LYSMD2: variants seen among roughly 807,000 people sequenced by gnomAD.
The protein encoded by LYSMD2 is LysM domain containing 2, also known as lysM and putative peptidoglycan-binding domain-containing protein 2.
Under a neutral mutation model 17.7 loss-of-function variants are expected in LYSMD2, and 6 were observed. The ratio of observed to expected loss-of-function variants is 0.34; its 90% confidence interval spans 0.19 to 0.67. The LOEUF (loss-of-function observed/expected upper bound fraction) is 0.67, where lower values mean the gene tolerates loss of function less well. Ranked by LOEUF, LYSMD2 falls within the 30% of genes least tolerant of loss-of-function variation. The pLI, the probability that LYSMD2 is intolerant of heterozygous loss-of-function variation, is 0.69. For missense variants in LYSMD2, 237 were observed against 286.7 expected, an observed-to-expected ratio of 0.83 and a Z score of 1.25; for synonymous variants, 102 against 129.8, an observed-to-expected ratio of 0.79 and a Z score of 1.45.
intron 2 of LYSMD2, 40 bp from the exon 3 acceptor site, chr15:51,723,689 C>T (rs758868332): frequency 6.8e-7 from 1 of 1,472,616 alleles, no homozygotes; most frequent in East Asian, 2.4e-5. Flanking sequence ...GAGTTTAGAA[C>T]TGTATGCAGA....
chr15:51,726,961 A>G (rs2055543758), intron 1 of LYSMD2, among the ~76,000 whole-genome samples: 1 of 152,118 alleles, frequency 6.6e-6, no homozygotes, highest in South Asian at 2.1e-4. Flanking sequence ...GCAAGAGTAC[A>G]CTATTAATTC....
At chr15:51,727,664 G>C (rs1384481841) in intron 1 of LYSMD2, among the ~76,000 whole-genome samples, 3 of 152,228 alleles carry the variant, frequency 2.0e-5, no homozygotes, top group East Asian at 3.8e-4. Flanking sequence ...CAGACTCAGA[G>C]GCTGTGTGCA....
upstream of LYSMD2, among the ~76,000 whole-genome samples, chr15:51,738,825 T>A (rs1478578887): frequency 6.6e-6 from 1 of 152,168 alleles, no homozygotes; most frequent in Non-Finnish European, 1.5e-5. Flanking sequence ...CTACAATGGC[T>A]CTCTGGGGAC....
intron 1 of LYSMD2, among the ~76,000 whole-genome samples, chr15:51,732,072 T>C (rs953823360): frequency 1.3e-5 from 2 of 152,198 alleles, no homozygotes; most frequent in Non-Finnish European, 2.9e-5. Flanking sequence ...TGTCATTCCA[T>C]GTAAAGACCC....
intron 1 of LYSMD2, among the ~76,000 whole-genome samples, chr15:51,745,402 T>G (rs937913819): frequency 6.6e-6 from 1 of 152,152 alleles, no homozygotes; most frequent in African/African-American, 2.4e-5. Flanking sequence ...TTATATACCA[T>G]GACCAACTGG....
upstream of LYSMD2, among the ~76,000 whole-genome samples, chr15:51,740,269 TTTTG>T (rs1255449259): frequency 6.6e-6 from 1 of 152,124 alleles, no homozygotes; most frequent in African/African-American, 2.4e-5. Flanking sequence ...AGGCCTGTTT[TTTTG>T]TTTTTTTGTT....
chr15:51,736,909 G>T (rs970733329), intron 1 of LYSMD2, among the ~76,000 whole-genome samples: 3 of 152,192 alleles, frequency 2.0e-5, no homozygotes. Flanking sequence ...GACTCATCAC[G>T]GAGCTTGTTT....
chr15:51,728,146 T>C (rs2055552030), intron 1 of LYSMD2, among the ~76,000 whole-genome samples: 1 of 152,132 alleles, frequency 6.6e-6, no homozygotes, highest in Non-Finnish European at 1.5e-5. Flanking sequence ...GAACAACATA[T>C]GGGCTGGGCG....
At chr15:51,726,547 A>T (rs2055541161) in intron 1 of LYSMD2, among the ~76,000 whole-genome samples, 2 of 152,206 alleles carry the variant, frequency 1.3e-5, no homozygotes, top group Non-Finnish European at 2.9e-5. Context: ...TCAGACATGC[A>T]AAGAGACTCC....
intron 1 of LYSMD2, among the ~76,000 whole-genome samples, chr15:51,729,533 A>G (rs1031410297): frequency 6.6e-6 from 1 of 152,218 alleles, no homozygotes; most frequent in African/African-American, 2.4e-5. Context: ...ATCTCGGCTC[A>G]CTGCAACCTC....
At chr15:51,738,603 C>G (rs183912151), upstream of LYSMD2, among the ~76,000 whole-genome samples, 1 of 152,142 alleles carries the variant, frequency 6.6e-6, no homozygotes, top group Admixed American at 6.5e-5. Flanking sequence ...AGTGGGTACA[C>G]ATTTACTAGC....
chr15:51,728,838 C>G (rs2055557681), intron 1 of LYSMD2, among the ~76,000 whole-genome samples: 1 of 151,666 alleles, frequency 6.6e-6, no homozygotes, highest in African/African-American at 2.4e-5. Context: ...CCATTGTACT[C>G]CACCCTGGGT....
intron 1 of LYSMD2, among the ~76,000 whole-genome samples, chr15:51,727,208 T>C (rs865880189): frequency 1.3e-5 from 2 of 152,194 alleles, no homozygotes; most frequent in Admixed American, 6.5e-5. Flanking sequence ...ATTCCTCCAC[T>C]CTTCTTGGGC....
chr15:51,744,393 TATAATC>T (rs1260336075), intron 1 of LYSMD2, among the ~76,000 whole-genome samples: 1 of 152,198 alleles, frequency 6.6e-6, no homozygotes, highest in African/African-American at 2.4e-5. Context: ...CATCTATTGA[TATAATC>T]ATATGACTTT....
chr15:51,734,309 T>C (rs1302379063), intron 1 of LYSMD2, among the ~76,000 whole-genome samples: 1 of 152,244 alleles, frequency 6.6e-6, no homozygotes, highest in African/African-American at 2.4e-5. Context: ...ATTCCTGTCC[T>C]GCCCAGGCCA....
intron 1 of LYSMD2, among the ~76,000 whole-genome samples, chr15:51,727,495 C>G (rs2055547642): frequency 6.6e-6 from 1 of 152,184 alleles, no homozygotes; most frequent in African/African-American, 2.4e-5. Flanking sequence ...TCAACTATGC[C>G]CACATTCAGT....
intron 1 of LYSMD2, among the ~76,000 whole-genome samples, chr15:51,744,921 T>C (rs2055659833): frequency 6.6e-6 from 1 of 151,494 alleles, no homozygotes; most frequent in Admixed American, 6.6e-5. Context: ...AAATCAGAAA[T>C]AAAAAAGGGG....
intron 1 of LYSMD2, among the ~76,000 whole-genome samples, chr15:51,731,544 G>C (rs1423430008): frequency 1.3e-5 from 2 of 152,226 alleles, no homozygotes; most frequent in Non-Finnish European, 2.9e-5. Flanking sequence ...CTAATTGGCA[G>C]AGGAAGAGAA....
intron 1 of LYSMD2, among the ~76,000 whole-genome samples, chr15:51,729,222 G>C (rs1332257622): frequency 6.6e-6 from 1 of 152,170 alleles, no homozygotes. Context: ...CTTCCAACCA[G>C]GCAGGGCCTT....
Sources: gnomAD v4.1 joint callset for allele counts (sites outside exome capture counted in the v4.1 genomes callset) on GRCh38, gnomAD v4.1.1 for gene constraint, MANE v1.5 for transcripts, NCBI Gene and HGNC (gene_info 2026-07-23, HGNC 2026-07-21) for gene names.